MACROD2: variants seen among roughly 807,000 people sequenced by gnomAD.
MACROD2 encodes the protein ADP-ribose glycohydrolase MACROD2.
A neutral mutation model predicts 70.4 loss-of-function variants in MACROD2; 36 were observed. The observed-to-expected ratio is 0.51, with a 90% CI of 0.39 to 0.68. MACROD2 has a LOEUF of 0.68. MACROD2 is among the 30% of genes least tolerant of loss of function. The pLI is 0.00. For synonymous variants in MACROD2, 172 were observed against 178.8 expected, an observed-to-expected ratio of 0.96 and a Z score of 0.30; for missense variants, 496 against 538.4, an observed-to-expected ratio of 0.92 and a Z score of 0.78.
At position 14,388,211 on chromosome 20, in the gene MACROD2, A is replaced by T. The variant is rs189598887; in HGVS notation, c.272-105268A>T. Among the ~76,000 whole-genome samples the T allele has an allele frequency of 2.6e-3, 402 of 151,964 alleles. 1 individual carries two copies. Among genetic ancestry groups the T allele is most frequent in the Non-Finnish European group, 5.1e-3 (349 of 67,968 alleles). On this transcript the variant is annotated intron_variant, in intron 3 of 17. Coordinates refer to ENST00000684519, the MANE Select transcript of MACROD2 (RefSeq NM_001351661.2). Reference sequence around the variant, plus strand: ...GTATTTTTAGTAGAGACAGGGTTTCACTGTGTTCGCCAGGATGGTCTCGAT... The same window carrying T: ...GTATTTTTAGTAGAGACAGGGTTTCTCTGTGTTCGCCAGGATGGTCTCGAT...
At chr20:15,921,551 C>T (rs1404423835) in intron 10 of MACROD2, among the ~76,000 whole-genome samples, 2 of 152,234 alleles carry the variant, frequency 1.3e-5, no homozygotes, top group Non-Finnish European at 2.9e-5. Context: ...TTCACAAGTG[C>T]CTTAGGCTTA....
intron 8 of MACROD2, among the ~76,000 whole-genome samples, chr20:15,852,409 T>C (rs1037152261): frequency 6.6e-6 from 1 of 152,172 alleles, no homozygotes; most frequent in Non-Finnish European, 1.5e-5. Context: ...ATAGAAGCAA[T>C]TTTAAAATGC....
At chr20:14,333,681 G>C (rs1226164859) in intron 3 of MACROD2, among the ~76,000 whole-genome samples, 1 of 152,132 alleles carries the variant, frequency 6.6e-6, no homozygotes, top group Admixed American at 6.6e-5. Context: ...TAATATTTAA[G>C]TTTCCATACA....
chr20:15,654,174 A>T (rs459989), intron 8 of MACROD2, among the ~76,000 whole-genome samples: 1 of 152,028 alleles, frequency 6.6e-6, no homozygotes, highest in Non-Finnish European at 1.5e-5. Context: ...AGCACATACC[A>T]TGCAGAAGTT....
chr20:14,755,466 T>C (rs2071928091), intron 5 of MACROD2, among the ~76,000 whole-genome samples: 1 of 152,104 alleles, frequency 6.6e-6, no homozygotes, highest in Admixed American at 6.5e-5. Context: ...AGATGTAAAA[T>C]GACCTGAGAA....
chr20:15,642,789 G>T (rs1207245196), intron 8 of MACROD2, among the ~76,000 whole-genome samples: 1 of 151,894 alleles, frequency 6.6e-6, no homozygotes, highest in Non-Finnish European at 1.5e-5. Context: ...GTGTGTGTAT[G>T]TGTGCACACT....
chr20:14,401,138 C>G (rs1226687500), intron 3 of MACROD2, among the ~76,000 whole-genome samples: 6 of 152,138 alleles, frequency 3.9e-5, no homozygotes, highest in African/African-American at 1.4e-4. Flanking sequence ...GAGCAGATTT[C>G]TGAGTATACG....
intron 3 of MACROD2, among the ~76,000 whole-genome samples, chr20:14,441,486 G>A (rs1009854133): frequency 2.6e-5 from 4 of 152,168 alleles, no homozygotes; most frequent in African/African-American, 7.2e-5. Flanking sequence ...TACATATGTA[G>A]GCCAAAAGGG....
intron 5 of MACROD2, among the ~76,000 whole-genome samples, chr20:15,227,037 C>T (rs1378080439): frequency 1.3e-5 from 2 of 152,078 alleles, no homozygotes; most frequent in Non-Finnish European, 2.9e-5. Flanking sequence ...TATTGATTCA[C>T]CTCCAGCTTT....
intron 5 of MACROD2, among the ~76,000 whole-genome samples, chr20:14,778,172 C>T (rs1206499479): frequency 6.6e-6 from 1 of 152,116 alleles, no homozygotes; most frequent in Non-Finnish European, 1.5e-5. Flanking sequence ...GCTGATTCCT[C>T]ACTGCTTCAT....
intron 15 of MACROD2, among the ~76,000 whole-genome samples, chr20:15,993,518 T>C (rs1304348012): frequency 1.3e-5 from 2 of 152,160 alleles, no homozygotes; most frequent in Non-Finnish European, 2.9e-5. Flanking sequence ...TAGTAGGCTA[T>C]ACCATCGAGG....
chr20:14,367,678 T>C (rs2083284789), intron 3 of MACROD2, among the ~76,000 whole-genome samples: 1 of 152,212 alleles, frequency 6.6e-6, no homozygotes, highest in South Asian at 2.1e-4. Flanking sequence ...TGCTTCTCCT[T>C]GGCTGCTTTC....
rs184360330 is a variant in MACROD2 at position 14,091,449 on chromosome 20, T to C, written c.271+5721T>C. On this transcript the variant is annotated intron_variant, in intron 3 of 17. Transcript: ENST00000684519. Reference sequence around the variant, plus strand: ...GGTGACTGTAATAAATAATAATGTATTATATATTTCAAAATAACTAAGGAA... The same window carrying C: ...GGTGACTGTAATAAATAATAATGTACTATATATTTCAAAATAACTAAGGAA... Among the ~76,000 whole-genome samples the C allele has an allele frequency of 3.9e-4, 59 of 152,260 alleles. 1 individual carries two copies. The highest frequency in any genetic ancestry group is 1.3e-3 in the African/African-American group (55 of 41,554).
chr20:14,302,306 G>A (rs907821804), intron 3 of MACROD2, among the ~76,000 whole-genome samples: 6 of 152,142 alleles, frequency 3.9e-5, no homozygotes, highest in Admixed American at 6.5e-5. Flanking sequence ...CGCCTTTAGC[G>A]TCATGCAGCC....
rs115628009 is a variant in MACROD2, at chr20:14,611,033, T to C, written c.302-73810T>C. On this transcript the variant is annotated intron_variant, in intron 4 of 17. Coordinates refer to ENST00000684519, the MANE Select transcript of MACROD2 (RefSeq NM_001351661.2). Reference sequence around the variant, plus strand: ...CTGGAATTGTATTGCTTCAAATACTTGTTTTCAGTACTTTTACATTCTTGG... The same window carrying C: ...CTGGAATTGTATTGCTTCAAATACTCGTTTTCAGTACTTTTACATTCTTGG... Among the ~76,000 whole-genome samples the C allele has an allele frequency of 6.3e-3, 952 of 152,274 alleles. 6 individuals are homozygous for C. Among genetic ancestry groups the C allele is most frequent in the African/African-American group, 0.021 (857 of 41,552 alleles).
At chr20:14,762,201 G>T (rs576023016) in intron 5 of MACROD2, among the ~76,000 whole-genome samples, 2 of 152,148 alleles carry the variant, frequency 1.3e-5, no homozygotes, top group Non-Finnish European at 2.9e-5. Flanking sequence ...GCCCGCCAGG[G>T]TCTGTGTCAT....
chr20:14,548,809 A>C (rs1978450545), intron 4 of MACROD2, among the ~76,000 whole-genome samples: 1 of 151,652 alleles, frequency 6.6e-6, no homozygotes, highest in Non-Finnish European at 1.5e-5. Flanking sequence ...CCCTGGAAGT[A>C]TTAAATGAAC....
intron 5 of MACROD2, among the ~76,000 whole-genome samples, chr20:14,763,878 A>G (rs1405375815): frequency 6.6e-6 from 1 of 152,094 alleles, no homozygotes; most frequent in Non-Finnish European, 1.5e-5. Context: ...TTTGAAAGTC[A>G]TTAATAGATT....
In MACROD2 at chr20:15,041,052, T is replaced by C. The variant is rs190178093; in HGVS notation, c.419-188888T>C. On this transcript the variant is annotated intron_variant, in intron 5 of 17. Coordinates refer to ENST00000684519, the MANE Select transcript of MACROD2 (RefSeq NM_001351661.2). ...TAATTTACTGGTATGACTTGTTATATGGATTCTTGACATGATGATTGGTTT... is the reference window on the plus strand; with the variant it reads ...TAATTTACTGGTATGACTTGTTATACGGATTCTTGACATGATGATTGGTTT... Among the ~76,000 whole-genome samples the C allele has an allele frequency of 4.4e-4, 67 of 152,342 alleles. No homozygotes were observed. The Middle Eastern group carries it at 0.01, about 23-fold the overall frequency.
Sources: gnomAD v4.1 joint callset for allele counts (sites outside exome capture counted in the v4.1 genomes callset) on GRCh38, gnomAD v4.1.1 for gene constraint, MANE v1.5 for transcripts, NCBI Gene and HGNC (gene_info 2026-07-23, HGNC 2026-07-21) for gene names.